CYP3A7: variants seen among roughly 807,000 people sequenced by gnomAD.
The protein encoded by CYP3A7 is cytochrome P450 family 3 subfamily A member 7, also known as cytochrome P450 3A7.
A neutral mutation model predicts 55.2 loss-of-function variants in CYP3A7; 45 were observed. The ratio of observed to expected loss-of-function variants is 0.82; its 90% CI spans 0.64 to 1.05. CYP3A7 has a LOEUF of 1.05. Among genes scored for constraint, CYP3A7 ranks in the 50% least tolerant of loss-of-function variants. The probability of loss-of-function intolerance (pLI) is 0.00; values close to 1 mark genes in which losing one functional copy is unlikely to be tolerated. For synonymous variants in CYP3A7, 180 were observed against 207.4 expected (o/e 0.87, Z 1.13); for missense variants, 548 against 605.3 (o/e 0.91, Z 0.99).
At chr7:99,707,788 T>C (rs781404311) in intron 12 of CYP3A7, 24 bp downstream of exon 12, 7 of 1,613,412 alleles carry the variant, frequency 4.3e-6, no homozygotes, top group Non-Finnish European at 2.5e-6. Context: ...AATAAAACAT[T>C]ATTAATGCAG....
intron 1 of CYP3A7, among the ~76,000 whole-genome samples, chr7:99,734,603 ATCTTTTTTTT>A (rs900932958): frequency 4.0e-5 from 6 of 151,150 alleles, no homozygotes; most frequent in Non-Finnish European, 7.4e-5. Context: ...CTCCTTGAAA[ATCTTTTTTTT>A]TCTTTTTTTT....
chr7:99,708,993 C>T, intron 11 of CYP3A7, 42 bp downstream of exon 11: 1 of 1,609,830 alleles, frequency 6.2e-7, no homozygotes, highest in Non-Finnish European at 8.5e-7. Context: ...ATGCTTGAAC[C>T]AGGCTGGTTC....
intron 5 of CYP3A7, 66 bp downstream of exon 5, chr7:99,717,460 C>A: frequency 6.2e-7 from 1 of 1,601,612 alleles, no homozygotes; most frequent in South Asian, 1.1e-5. Context: ...TCTGATCTTA[C>A]TTTCTACCTG....
chr7:99,727,314 T>G (rs1364151919), intron 2 of CYP3A7, among the ~76,000 whole-genome samples: 1 of 152,224 alleles, frequency 6.6e-6, no homozygotes, highest in Admixed American at 6.5e-5. Flanking sequence ...CCTAATACTT[T>G]TAGAAGCCCT....
chr7:99,735,099 C>CT lies in CYP3A7; in HGVS notation c.-7dup, dbSNP rs745661704. On this transcript the variant is annotated 5_prime_UTR_variant, in exon 1 of 13. Transcript: ENST00000336374. ...AAGTTTGGGATGAGATCCATCACTA[C>CT]TTTCCTTCCTTATCTCTCTCCTCTG... 3.1e-6 allele frequency: 5 copies of CT among 1,613,874 alleles called. No homozygotes were observed. Among genetic ancestry groups the CT allele is most frequent in the Non-Finnish European group, 4.2e-6 (5 of 1,179,846 alleles).
Position 99,705,558 on chromosome 7 carries a change from G to T in CYP3A7, c.1454C>A (p.Thr485Lys). Reference protein sequence around the residue: ...LKLRFGGLLLTEKPIVLKAES... With the variant: ...LKLRFGGLLLKEKPIVLKAES... The stretch of plus-strand genomic sequence containing the variant: ...AGCCTTTAGAACAATGGGTTTTTCT[G>T]TTAGAAGAAGTCCTCCAAAGCGTAA... Residue 485 changes from threonine to lysine, a missense_variant, in exon 13 of 13, where the codon ACA (threonine) becomes AAA (lysine). Coordinates refer to ENST00000336374, the MANE Select transcript of CYP3A7 (RefSeq NM_000765.5). 3 of 1,613,614 alleles carry T rather than the reference G, an allele frequency of 1.9e-6. No individual in the cohort carries two copies. The highest frequency in any genetic ancestry group is 2.5e-6 in the Non-Finnish European group (3 of 1,179,694).
Position 99,735,105 on chromosome 7 carries a change from T to C in CYP3A7, c.-12A>G. The stretch of plus-strand genomic sequence containing the variant: ...GGGATGAGATCCATCACTACTTTCC[T>C]TCCTTATCTCTCTCCTCTGAGTCTT... On this transcript the variant is annotated 5_prime_UTR_variant, in exon 1 of 13. Transcript: ENST00000336374. The C allele has an allele frequency of 6.2e-7, 1 of 1,613,910 alleles. No individual in the cohort carries two copies. Among genetic ancestry groups the C allele is most frequent in the Non-Finnish European group, 8.5e-7 (1 of 1,179,866 alleles).
In CYP3A7 at chr7:99,709,258, G is replaced by T; in HGVS notation, c.1030C>A (p.Pro344Thr). ...EIDTVLPNKA[P>T]PTYDTVLQLE... ...TGTAGCACAGTATCATAGGTGGGTG[G>T]TGCCTGAAAAGAAAGAAACAGATTT... The change falls in exon 11 of 13, where the codon CCA (proline) becomes ACA (threonine). Residue 344 changes from proline to threonine, a missense_variant. Physicochemically the swap from Pro to Thr is conservative, Grantham distance 38. Transcript: ENST00000336374. 1 of 1,613,672 alleles carries T rather than the reference G, an allele frequency of 6.2e-7. No individual in the cohort carries two copies. The highest frequency in any genetic ancestry group is 8.5e-7 in the Non-Finnish European group (1 of 1,179,840).
At chr7:99,717,689 C>T (rs1814018683) in intron 4 of CYP3A7, 50 bp from the exon 5 acceptor site, 1 of 1,601,408 alleles carries the variant, frequency 6.2e-7, no homozygotes, top group East Asian at 2.3e-5. Context: ...GTGGAGGTCT[C>T]CATGGTTGTA....
chr7:99,709,073 T>C lies in CYP3A7; in HGVS notation c.1215A>G (p.Pro405=), dbSNP rs1476796537. The part of the protein sequence containing the change: ...MIPSYVLHHD[P]KYWTEPEKFL... ...ACTTCTCAGGCTCTGTCCAGTACTT[T>C]GGGTCATGATGAAGAACATAGCTTG... The change falls in exon 11 of 13, where the codon CCA becomes CCG. Residue 405 remains proline, a synonymous_variant. Coordinates refer to ENST00000336374, the MANE Select transcript of CYP3A7 (RefSeq NM_000765.5). 1 of 1,614,002 alleles carries C rather than the reference T, an allele frequency of 6.2e-7. No homozygotes were observed. Among genetic ancestry groups the C allele is most frequent in the Non-Finnish European group, 8.5e-7 (1 of 1,179,930 alleles).
intron 12 of CYP3A7, among the ~76,000 whole-genome samples, chr7:99,707,553 A>C (rs1813571236): frequency 6.6e-6 from 1 of 152,194 alleles, no homozygotes; most frequent in Non-Finnish European, 1.5e-5. Flanking sequence ...ACTGAATTTA[A>C]TTTTGCTCAA....
intron 9 of CYP3A7, among the ~76,000 whole-genome samples, chr7:99,712,460 A>C (rs1584508718): frequency 6.6e-6 from 1 of 152,224 alleles, no homozygotes; most frequent in African/African-American, 2.4e-5. Flanking sequence ...ACTTAAATAC[A>C]ACTTAAAATT....
At position 99,720,142 on chromosome 7, in the gene CYP3A7, A is replaced by T. The variant is rs945040386; in HGVS notation, c.318+171T>A. On this transcript the variant is annotated intron_variant, in intron 4 of 12. Transcript: ENST00000336374. Reference sequence around the variant, plus strand: ...TACTGCAGTAATGTGAATATACTGTATTTATAGTTATGCAAGATTGCAAGA... The same window carrying T: ...TACTGCAGTAATGTGAATATACTGTTTTTATAGTTATGCAAGATTGCAAGA... Among the ~76,000 whole-genome samples, 9 of 152,240 alleles carry T rather than the reference A, an allele frequency of 5.9e-5. 1 individual carries two copies. Among genetic ancestry groups the T allele is most frequent in the Non-Finnish European group, 1.3e-4 (9 of 68,042 alleles).
intron 12 of CYP3A7, among the ~76,000 whole-genome samples, chr7:99,707,110 C>T (rs78365260): frequency 0.012 from 1,789 of 152,162 alleles, 36 homozygotes; most frequent in African/African-American, 0.041. Context: ...AAGATAAGAA[C>T]AGAATGAGGA....
rs1364425715 is a variant in CYP3A7, at chr7:99,714,500, T to G, written c.798+55A>C. On this transcript the variant is annotated intron_variant, in intron 8 of 12. Coordinates refer to ENST00000336374, the MANE Select transcript of CYP3A7 (RefSeq NM_000765.5). ...GGGAAGTGCACCGATCATATGTATA[T>G]TTCTAAAAAATTATGAAAACTAAAC... 4 of 1,604,682 alleles carry G rather than the reference T, an allele frequency of 2.5e-6. No individual in the cohort carries two copies. In the African/African-American group the frequency reaches 5.4e-5, roughly 21 times the overall value.
At chr7:99,724,925 G>A (rs1028758640) in intron 2 of CYP3A7, among the ~76,000 whole-genome samples, 1 of 152,088 alleles carries the variant, frequency 6.6e-6, no homozygotes, top group African/African-American at 2.4e-5. Flanking sequence ...CTCCCCAGAT[G>A]AGCAGGAAAG....
At chr7:99,721,865 C>T (rs188638693) in intron 3 of CYP3A7, among the ~76,000 whole-genome samples, 16 of 152,292 alleles carry the variant, frequency 1.1e-4, no homozygotes, top group African/African-American at 3.9e-4. Context: ...ACAAAACTAT[C>T]ACAAAATACT....
chr7:99,705,623 A>C (rs915917299), intron 12 of CYP3A7, 28 bp from the exon 13 acceptor site: 1 of 1,611,076 alleles, frequency 6.2e-7, no homozygotes, highest in African/African-American at 1.3e-5. Context: ...GCATATTGAG[A>C]AGCATTAAAT....
intron 6 of CYP3A7, among the ~76,000 whole-genome samples, 160 bp downstream of exon 6, chr7:99,717,017 C>T (rs1293147955): frequency 6.6e-6 from 1 of 152,218 alleles, no homozygotes; most frequent in Non-Finnish European, 1.5e-5. Flanking sequence ...ACCTCCTCAT[C>T]GGAGCTGCCC....
Sources: gnomAD v4.1 joint callset for allele counts (sites outside exome capture counted in the v4.1 genomes callset) on GRCh38, gnomAD v4.1.1 for gene constraint, MANE v1.5 for transcripts, NCBI Gene and HGNC (gene_info 2026-07-23, HGNC 2026-07-21) for gene names.